CDH13: variants seen among roughly 807,000 people sequenced by gnomAD.
CDH13 encodes the protein cadherin-13.
CDH13 carries 24 observed loss-of-function variants against 63.8 expected under a neutral mutation model. That is an observed-to-expected ratio of 0.38 (90% CI 0.27 to 0.53). The LOEUF (loss-of-function observed/expected upper bound fraction) is 0.53, where lower values mean the gene tolerates loss of function less well. CDH13 is among the 20% of genes least tolerant of loss of function. CDH13 has a pLI of 0.85. For missense variants in CDH13, 1,049 were observed against 903.1 expected, an observed-to-expected ratio of 1.16 and a Z score of -2.07; for synonymous variants, 503 against 355.3, an observed-to-expected ratio of 1.42 and a Z score of -4.67.
chr16:83,459,129 T>C (rs1387381), intron 6 of CDH13, among the ~76,000 whole-genome samples: 77,677 of 152,112 alleles, frequency 0.51, 20,580 homozygotes, highest in East Asian at 0.83. Flanking sequence ...GGCAAAATTA[T>C]ATATGAGCTT....
chr16:83,629,560 C>G (rs1301283931), intron 8 of CDH13, among the ~76,000 whole-genome samples: 1 of 152,116 alleles, frequency 6.6e-6, no homozygotes, highest in Non-Finnish European at 1.5e-5. Context: ...TTATTTCTGC[C>G]AAGCCATCAT....
At chr16:83,035,000 A>G (rs564173900) in intron 3 of CDH13, among the ~76,000 whole-genome samples, 1 of 152,212 alleles carries the variant, frequency 6.6e-6, no homozygotes, top group East Asian at 1.9e-4. Flanking sequence ...AGAATGGGGC[A>G]TTCATCTCCC....
intron 3 of CDH13, among the ~76,000 whole-genome samples, chr16:83,044,930 G>A (rs569656965): frequency 7.2e-5 from 11 of 152,256 alleles, no homozygotes; most frequent in African/African-American, 2.6e-4. Context: ...GTAATAAAAT[G>A]TACATTTTCT....
rs1431040791 is a variant in CDH13 at position 83,602,657 on chromosome 16, T to A, written c.1101+63T>A. ...CACAGCTACAATTACTGATTGATGT[T>A]AATTCACGTACCACAGCACCTGCTG... On this transcript the variant is annotated intron_variant, in intron 8 of 13. Transcript: ENST00000567109. The A allele has an allele frequency of 9.8e-6, 15 of 1,528,270 alleles. No individual in the cohort carries two copies. The Admixed American group carries it at 2.5e-4, about 26-fold the overall frequency. 94.7% of individuals were successfully genotyped at this position (1,528,270 alleles called of 1,614,324 possible). A position where few individuals can be genotyped will look rare whatever the true frequency, so the allele number is the denominator to read the frequency against.
At chr16:83,161,657 G>T (rs1024130200) in intron 4 of CDH13, among the ~76,000 whole-genome samples, 1 of 152,012 alleles carries the variant, frequency 6.6e-6, no homozygotes, top group African/African-American at 2.4e-5. Flanking sequence ...GACTGTGCAT[G>T]GATTTGCATA....
chr16:82,677,616 T>C (rs1914082257), intron 1 of CDH13, among the ~76,000 whole-genome samples: 1 of 152,128 alleles, frequency 6.6e-6, no homozygotes, highest in East Asian at 1.9e-4. Context: ...CATTCTAACT[T>C]AAGGGTTTAG....
chr16:82,704,607 C>T (rs1420571988), intron 1 of CDH13, among the ~76,000 whole-genome samples: 1 of 152,174 alleles, frequency 6.6e-6, no homozygotes, highest in Admixed American at 6.5e-5. Flanking sequence ...AGGGCAAGTG[C>T]TGCAGAGGCA....
chr16:82,875,583 G>A (rs2040477220), intron 2 of CDH13, among the ~76,000 whole-genome samples: 1 of 152,104 alleles, frequency 6.6e-6, no homozygotes, highest in Admixed American at 6.5e-5. Flanking sequence ...TTGTTTTAAT[G>A]TGTCACAGTA....
At chr16:82,932,235 A>G (rs1347185465) in intron 2 of CDH13, among the ~76,000 whole-genome samples, 1 of 152,176 alleles carries the variant, frequency 6.6e-6, no homozygotes, top group African/African-American at 2.4e-5. Flanking sequence ...CCTGCCCAAC[A>G]TTGACACACA....
chr16:82,735,127 C>CAAAGTA (rs2033607349), intron 1 of CDH13, among the ~76,000 whole-genome samples: 1 of 152,120 alleles, frequency 6.6e-6, no homozygotes, highest in African/African-American at 2.4e-5. Flanking sequence ...CTTAAAGGAG[C>CAAAGTA]AAAGTAAAAG....
At chr16:83,060,352 C>T (rs527448254) in intron 3 of CDH13, among the ~76,000 whole-genome samples, 26 of 152,200 alleles carry the variant, frequency 1.7e-4, no homozygotes, top group African/African-American at 2.6e-4. Context: ...CTTAAAAATC[C>T]AGCATTTTTG....
At chr16:83,601,140 A>G (rs1907751640) in intron 7 of CDH13, among the ~76,000 whole-genome samples, 1 of 152,150 alleles carries the variant, frequency 6.6e-6, no homozygotes, top group African/African-American at 2.4e-5. Context: ...AATCGGTAGG[A>G]GATAGAGAAA....
intron 1 of CDH13, among the ~76,000 whole-genome samples, chr16:82,738,450 C>T (rs923689889): frequency 6.6e-6 from 1 of 152,234 alleles, no homozygotes; most frequent in African/African-American, 2.4e-5. Context: ...CACCCATTCA[C>T]CTTTCAAATC....
rs533000455 is a variant in CDH13, at chr16:83,183,390, C to T, written c.484-33955C>T. Among the ~76,000 whole-genome samples the T allele has an allele frequency of 7.2e-4, 110 of 152,280 alleles. 1 individual carries two copies. Among genetic ancestry groups the T allele is most frequent in the Middle Eastern group, 3.4e-3 (1 of 294 alleles). Reference sequence around the variant, plus strand: ...TTGCTATGACCTTCCACGCACACGACGTGAAGCCATGGATTTGTTTCCTAG... The same window carrying T: ...TTGCTATGACCTTCCACGCACACGATGTGAAGCCATGGATTTGTTTCCTAG... On this transcript the variant is annotated intron_variant, in intron 4 of 13. Coordinates refer to ENST00000567109, the MANE Select transcript of CDH13 (RefSeq NM_001257.5).
intron 3 of CDH13, among the ~76,000 whole-genome samples, chr16:83,125,093 A>C (rs1485160049): frequency 2.6e-5 from 4 of 152,242 alleles, no homozygotes; most frequent in Admixed American, 2.6e-4. Flanking sequence ...TGGCAGATTA[A>C]GAACAGCAAT....
At chr16:83,597,097 C>A (rs1907334997) in intron 7 of CDH13, among the ~76,000 whole-genome samples, 1 of 152,064 alleles carries the variant, frequency 6.6e-6, no homozygotes, top group Non-Finnish European at 1.5e-5. Flanking sequence ...GTGGCACATG[C>A]CTGTGGTCTT....
intron 7 of CDH13, among the ~76,000 whole-genome samples, chr16:83,532,816 C>T (rs937088453): frequency 1.3e-5 from 2 of 152,196 alleles, no homozygotes; most frequent in Non-Finnish European, 2.9e-5. Flanking sequence ...GCCATGTGAA[C>T]CCTACCGGTG....
chr16:82,703,108 C>T (rs1450978864), intron 1 of CDH13, among the ~76,000 whole-genome samples: 2 of 151,858 alleles, frequency 1.3e-5, no homozygotes, highest in African/African-American at 2.4e-5. Flanking sequence ...TGTTTTGTTC[C>T]ACTTATATAA....
chr16:82,824,333 C>G (rs1161636990), intron 1 of CDH13: 1 of 151,862 alleles, frequency 6.6e-6, no homozygotes, highest in Non-Finnish European at 1.5e-5. Flanking sequence ...AAACAACTAT[C>G]CTGCCTTTGT....
Sources: gnomAD v4.1 joint callset for allele counts (sites outside exome capture counted in the v4.1 genomes callset) on GRCh38, gnomAD v4.1.1 for gene constraint, MANE v1.5 for transcripts, NCBI Gene and HGNC (gene_info 2026-07-23, HGNC 2026-07-21) for gene names.